The following TGFBR3 variants were observed in gnomAD, a reference collection of about 807,000 sequenced individuals.
The protein encoded by TGFBR3 is transforming growth factor beta receptor 3, also known as transforming growth factor beta receptor type 3.
Under a neutral mutation model 87.9 loss-of-function variants are expected in TGFBR3, and 46 were observed. That is an observed-to-expected ratio of 0.52 (90% confidence interval 0.41 to 0.67). The LOEUF is 0.67. Ranked by LOEUF, TGFBR3 falls within the 30% of genes least tolerant of loss-of-function variation. The pLI is 0.00. For missense variants in TGFBR3, 866 were observed against 1,041.9 expected (o/e 0.83, Z 2.32); for synonymous variants, 381 against 391.6 (o/e 0.97, Z 0.32).
intron 2 of TGFBR3, among the ~76,000 whole-genome samples, chr1:91,805,257 G>A (rs928550223): frequency 6.6e-6 from 1 of 152,170 alleles, no homozygotes; most frequent in Non-Finnish European, 1.5e-5. Context: ...TATGTGACGA[G>A]TACAAGATTC....
chr1:91,752,270 TTTG>T (rs1413755749), intron 4 of TGFBR3, among the ~76,000 whole-genome samples: 1 of 152,176 alleles, frequency 6.6e-6, no homozygotes, highest in Non-Finnish European at 1.5e-5. Context: ...AACAAAATGA[TTTG>T]TTATTTATCT....
intron 3 of TGFBR3, among the ~76,000 whole-genome samples, chr1:91,781,185 GTAA>G (rs1674755447): frequency 6.6e-6 from 1 of 152,162 alleles, no homozygotes. Context: ...GTTGCCACAT[GTAA>G]TAATATCGTT....
intron 1 of TGFBR3, among the ~76,000 whole-genome samples, chr1:91,880,707 T>C (rs1295222067): frequency 1.3e-5 from 2 of 152,062 alleles, no homozygotes; most frequent in East Asian, 3.9e-4. Context: ...AAGAAGACTG[T>C]CCTTTAGTAG....
intron 2 of TGFBR3, among the ~76,000 whole-genome samples, chr1:91,798,927 G>C (rs1675493079): frequency 6.6e-6 from 1 of 152,134 alleles, no homozygotes; most frequent in African/African-American, 2.4e-5. Context: ...TGGATTGATA[G>C]AGACATACCC....
At position 91,683,838 on chromosome 1, in the gene TGFBR3, C is replaced by T. The variant is rs774915438; in HGVS notation, c.2457G>A (p.Gln819=). 1.2e-6 allele frequency: 2 copies of T among 1,603,142 alleles called. No individual in the cohort carries two copies. Among genetic ancestry groups the T allele is most frequent in the East Asian group, 4.5e-5 (2 of 44,516 alleles). ...AGGCTGGCGGGGAGGTGGGGACTTG[C>T]TGCCTTCCTGCTGTCTCCCCTGCAG... ...YSHTGETAGR[Q]QVPTSPPASE... The change falls in exon 17 of 17, where the codon CAG becomes CAA. Residue 819 remains glutamine, a synonymous_variant. Coordinates refer to ENST00000212355, the MANE Select transcript of TGFBR3 (RefSeq NM_003243.5).
intron 1 of TGFBR3, chr1:91,866,882 T>G (rs1678409585): frequency 6.6e-6 from 1 of 151,694 alleles, no homozygotes; most frequent in Non-Finnish European, 1.5e-5. Context: ...CAAGGAGGGG[T>G]TTAAACAGGG....
intron 1 of TGFBR3, among the ~76,000 whole-genome samples, chr1:91,879,902 T>C (rs184439871): frequency 1.1e-4 from 16 of 146,724 alleles, no homozygotes; most frequent in Non-Finnish European, 2.0e-4. Flanking sequence ...CAGATCCTTC[T>C]TGTAAGGCCC....
In TGFBR3 at chr1:91,719,345, C is replaced by G. The variant is rs774361383; in HGVS notation, c.1533G>C (p.Trp511Cys). 1 of 1,614,170 alleles carries G rather than the reference C, an allele frequency of 6.2e-7. No individual in the cohort carries two copies. The highest frequency in any genetic ancestry group is 1.1e-5 in the South Asian group (1 of 91,080). The change falls in exon 10 of 17, where the codon TGG becomes TGC. Residue 511 changes from tryptophan to cysteine, a missense_variant. Physicochemically the swap from Trp to Cys is radical, Grantham distance 215. Coordinates refer to ENST00000212355, the MANE Select transcript of TGFBR3 (RefSeq NM_003243.5). Reference protein sequence around the residue: ...PLNGCGTRPRWSALDGVVYYN... With the variant: ...PLNGCGTRPRCSALDGVVYYN... ...AGTAGACCACACCATCAAGGGCTGA[C>G]CACCGGGGCCGAGTACCGCAGCCAT...
intron 14 of TGFBR3, among the ~76,000 whole-genome samples, chr1:91,698,856 G>A (rs1445844526): frequency 1.3e-5 from 2 of 152,052 alleles, no homozygotes; most frequent in Non-Finnish European, 2.9e-5. Context: ...AAGTATCTTT[G>A]TTCTCCTAGC....
At chr1:91,699,431 C>CTTTTTT (rs60223260) in intron 14 of TGFBR3, among the ~76,000 whole-genome samples, 858 of 80,776 alleles carry the variant, frequency 0.011, 4 homozygotes, top group Middle Eastern at 0.02. Flanking sequence ...CTTTCTTTTG[C>CTTTTTT]TTTTTTTTTT....
chr1:91,729,033 T>TACACACACACAC (rs56158224), intron 6 of TGFBR3, among the ~76,000 whole-genome samples: 1 of 89,620 alleles, frequency 1.1e-5, no homozygotes, highest in African/African-American at 4.2e-5. Flanking sequence ...CACTCCAGCA[T>TACACACACACAC]ACACACACAC....
At chr1:91,830,328 C>T (rs1316711555) in intron 2 of TGFBR3, among the ~76,000 whole-genome samples, 1 of 152,144 alleles carries the variant, frequency 6.6e-6, no homozygotes, top group African/African-American at 2.4e-5. Context: ...AGAATACTTC[C>T]TGGCTACTTG....
intron 2 of TGFBR3, among the ~76,000 whole-genome samples, chr1:91,813,502 C>T (rs952899292): frequency 4.6e-5 from 7 of 152,202 alleles, no homozygotes; most frequent in South Asian, 2.1e-4. Flanking sequence ...AGATTAATTA[C>T]AATTTTAGCA....
At chr1:91,761,697 G>C (rs1470713609) in intron 3 of TGFBR3, among the ~76,000 whole-genome samples, 2 of 151,778 alleles carry the variant, frequency 1.3e-5, no homozygotes, top group African/African-American at 4.8e-5. Flanking sequence ...GAAATGTAGA[G>C]AGAACACACA....
intron 1 of TGFBR3, among the ~76,000 whole-genome samples, chr1:91,902,610 C>G (rs893303705): frequency 2.0e-5 from 3 of 150,936 alleles, no homozygotes; most frequent in South Asian, 4.2e-4. Flanking sequence ...TTTTTCTTTT[C>G]TTTCTTTTTT....
At chr1:91,752,891 G>A (rs1255301077) in intron 4 of TGFBR3, among the ~76,000 whole-genome samples, 2 of 151,764 alleles carry the variant, frequency 1.3e-5, no homozygotes, top group African/African-American at 2.4e-5. Context: ...GCTGGGTGTG[G>A]GGGTACATGC....
chr1:91,771,705 C>CAAAAA (rs758894556), intron 3 of TGFBR3, among the ~76,000 whole-genome samples: 1 of 83,116 alleles, frequency 1.2e-5, no homozygotes, highest in Admixed American at 1.4e-4. Flanking sequence ...GACTCTGTCT[C>CAAAAA]AAAAAAAAAA....
chr1:91,795,748 ACT>A lies in TGFBR3; in HGVS notation c.246+1537_246+1538del, dbSNP rs147796661. ...TCTCCTCCTTTCCCTCTCACCACAA[ACT>A]CTCCCCCATCAGTTCAGAATTAAAG... On this transcript the variant is annotated intron_variant, in intron 3 of 16. Transcript: ENST00000212355. 4.6e-3 allele frequency among the ~76,000 whole-genome samples: 697 copies of A among 151,760 alleles called. 11 individuals are homozygous for A. Among genetic ancestry groups the A allele is most frequent in the African/African-American group, 0.016 (660 of 41,338 alleles).
intron 1 of TGFBR3, among the ~76,000 whole-genome samples, chr1:91,881,217 AAAG>A (rs2101287918): frequency 6.6e-6 from 1 of 152,300 alleles, no homozygotes; most frequent in Non-Finnish European, 1.5e-5. Context: ...CTTATATACT[AAAG>A]AAGTCAGCAG....
Sources: allele counts gnomAD v4.1 joint callset (sites outside exome capture counted in the v4.1 genomes callset), GRCh38; gene constraint gnomAD v4.1.1; transcripts MANE v1.5; gene names NCBI Gene and HGNC (gene_info 2026-07-23, HGNC 2026-07-21).